Variants in LIPC observed in about 807,000 individuals in gnomAD.
The protein encoded by LIPC is hepatic triacylglycerol lipase.
In LIPC, 44 loss-of-function variants were observed where a neutral mutation model predicts 50.7. The ratio of observed to expected loss-of-function variants is 0.87; its 90% CI spans 0.68 to 1.11. The LOEUF is 1.11. Ranked by LOEUF, LIPC falls within the 50% of genes most tolerant of loss-of-function variation. LIPC has a pLI of 0.00. For missense variants in LIPC, 697 were observed against 648.2 expected, an observed-to-expected ratio of 1.08 and a Z score of -0.82; for synonymous variants, 271 against 256.4, an observed-to-expected ratio of 1.06 and a Z score of -0.54.
intron 1 of LIPC, chr15:58,523,140 C>T (rs1353021101): frequency 6.6e-6 from 1 of 152,386 alleles, no homozygotes; most frequent in African/African-American, 2.4e-5. Context: ...CCTCTATGTT[C>T]CAGCAGCCCT....
At chr15:58,435,060 G>C (rs1332999611) in intron 1 of LIPC, 1 of 152,140 alleles carries the variant, frequency 6.6e-6, no homozygotes, top group East Asian at 1.9e-4. Flanking sequence ...TCCTTCATTA[G>C]AAATTAAAAC....
rs1298118788 is a variant in LIPC at position 58,431,991 on chromosome 15, A to C, written c.-42A>C. ...TAGGCATTGTGGTCTCTTTGGCTTC[A>C]GAAATTACCAAGAAAGCCTGGACCC... On this transcript the variant is annotated 5_prime_UTR_variant, in exon 1 of 9. Transcript: ENST00000299022. The C allele has an allele frequency of 9.0e-6, 13 of 1,442,616 alleles. No homozygotes were observed. Among genetic ancestry groups the C allele is most frequent in the Non-Finnish European group, 1.3e-5 (13 of 1,023,378 alleles). The allele number at this position is 1,442,616 out of a possible 1,614,324, so 89.4% of individuals were successfully genotyped here.
rs1894487968 is a variant in LIPC at position 58,569,775 on chromosome 15, T to G, written c.*948T>G. ...TCACCTGGAAGTAGACTACCAGATC[T>G]GCTGGCACCTTTATCTTGGACTTCT... On this transcript the variant is annotated 3_prime_UTR_variant, in exon 9 of 9. Coordinates refer to ENST00000299022, the MANE Select transcript of LIPC (RefSeq NM_000236.3). 6.4e-6 allele frequency: 1 copy of G among 156,486 alleles called. No individual in the cohort carries two copies. Among genetic ancestry groups the G allele is most frequent in the Non-Finnish European group, 1.4e-5 (1 of 71,594 alleles). The allele number at this position is 156,486 out of a possible 1,614,324, so 9.7% of individuals were successfully genotyped here.
chr15:58,518,751 T>C (rs1892558659), intron 1 of LIPC, among the ~76,000 whole-genome samples: 1 of 152,096 alleles, frequency 6.6e-6, no homozygotes, highest in Non-Finnish European at 1.5e-5. Flanking sequence ...AACTCGAAGT[T>C]CAAGAGCAGG....
Position 58,542,618 on chromosome 15 carries a change from A to G in LIPC, c.541A>G (p.Ile181Val), listed in dbSNP as rs754185467. 1 of 1,613,622 alleles carries G rather than the reference A, an allele frequency of 6.2e-7. No individual in the cohort carries two copies. Among genetic ancestry groups the G allele is most frequent in the South Asian group, 1.1e-5 (1 of 91,070 alleles). The change falls in exon 4 of 9, where the codon ATC becomes GTC. Residue 181 changes from isoleucine (I) to valine (V), a missense_variant. Physicochemically the swap from Ile to Val is conservative, Grantham distance 29. Coordinates refer to ENST00000299022, the MANE Select transcript of LIPC (RefSeq NM_000236.3). ...CGTGTCAGGATTTGCCGGCAGTTCC[A>G]TCGGTGGAACGCACAAGATTGGGAG... Reference protein sequence around the residue: ...AHVSGFAGSSIGGTHKIGRIT... With the variant: ...AHVSGFAGSSVGGTHKIGRIT...
At chr15:58,517,677 A>G (rs1283989877) in intron 1 of LIPC, among the ~76,000 whole-genome samples, 2 of 152,230 alleles carry the variant, frequency 1.3e-5, no homozygotes, top group Non-Finnish European at 2.9e-5. Flanking sequence ...ACACAGGGCA[A>G]CAGAAACCCT....
rs1286505716 is a variant in LIPC at position 58,463,982 on chromosome 15, A to G, written c.88+31862A>G. ...ACAAGAGTCCACAATGACAGGTTTC[A>G]AAGATGAAAGTAATGGATCAGTAAA... On this transcript the variant is annotated intron_variant, in intron 1 of 8. Coordinates refer to ENST00000299022, the MANE Select transcript of LIPC (RefSeq NM_000236.3). Among the ~76,000 whole-genome samples the G allele has an allele frequency of 3.3e-5, 5 of 152,240 alleles. 1 individual carries two copies. The highest frequency in any genetic ancestry group is 5.9e-5 in the Non-Finnish European group (4 of 68,048).
chr15:58,497,773 A>T (rs1891825683), intron 1 of LIPC: 1 of 152,226 alleles, frequency 6.6e-6, no homozygotes, highest in South Asian at 2.1e-4. Flanking sequence ...AGCCCTGCCC[A>T]TCTGCCTGTC....
intron 1 of LIPC, among the ~76,000 whole-genome samples, chr15:58,457,816 TG>T (rs1894189062): frequency 6.6e-6 from 1 of 152,182 alleles, no homozygotes; most frequent in East Asian, 1.9e-4. Context: ...CATAAACACT[TG>T]TCCACCTCCG....
chr15:58,477,355 G>C (rs1566921936), intron 1 of LIPC, among the ~76,000 whole-genome samples: 1 of 152,190 alleles, frequency 6.6e-6, no homozygotes, highest in African/African-American at 2.4e-5. Flanking sequence ...ACAGTTCCGG[G>C]GCTGGAGCCC....
chr15:58,475,905 T>C (rs1890979732), intron 1 of LIPC, among the ~76,000 whole-genome samples: 1 of 152,192 alleles, frequency 6.6e-6, no homozygotes. Context: ...CTAGATTCTG[T>C]CATTAGAAAG....
chr15:58,507,229 T>C (rs977675143), intron 1 of LIPC, among the ~76,000 whole-genome samples: 27 of 152,184 alleles, frequency 1.8e-4, no homozygotes, highest in Non-Finnish European at 2.8e-4. Context: ...AAACTTTCCC[T>C]ATCCTCTTGA....
At chr15:58,432,395 T>C in intron 1 of LIPC, 1 of 474,984 alleles carries the variant, frequency 2.1e-6, no homozygotes, top group Non-Finnish European at 3.8e-6. Context: ...ACAGTCATGC[T>C]AAAAGTTATT....
intron 1 of LIPC, among the ~76,000 whole-genome samples, chr15:58,460,124 A>G (rs1313128985): frequency 2.0e-5 from 3 of 152,130 alleles, no homozygotes; most frequent in Admixed American, 6.5e-5. Context: ...TCAGCTCCCA[A>G]TGAGCATTGT....
intron 6 of LIPC, among the ~76,000 whole-genome samples, chr15:58,558,197 C>T (rs1168308531): frequency 6.6e-6 from 1 of 151,998 alleles, no homozygotes; most frequent in Admixed American, 6.6e-5. Flanking sequence ...CTCAGCCTCC[C>T]GAGTAGCTGG....
At chr15:58,495,192 G>C (rs549985576) in intron 1 of LIPC, among the ~76,000 whole-genome samples, 4 of 152,282 alleles carry the variant, frequency 2.6e-5, no homozygotes, top group African/African-American at 9.6e-5. Flanking sequence ...TCTCATCCTT[G>C]ACTGCAGTGT....
At chr15:58,566,088 A>G in intron 8 of LIPC, 1 of 976,722 alleles carries the variant, frequency 1.0e-6, no homozygotes, top group Non-Finnish European at 1.2e-6. Flanking sequence ...GTTCTGCTTT[A>G]GTGAGTCTGG....
intron 1 of LIPC, among the ~76,000 whole-genome samples, chr15:58,467,607 C>G (rs1262810947): frequency 6.6e-6 from 1 of 152,110 alleles, no homozygotes; most frequent in Non-Finnish European, 1.5e-5. Flanking sequence ...GCCTTCCTGC[C>G]GACATTTGCT....
Position 58,548,565 on chromosome 15 carries a change from C to T in LIPC, c.1044C>T (p.Pro348=). 1.3e-6 allele frequency: 2 copies of T among 1,590,716 alleles called. No individual in the cohort carries two copies. Among genetic ancestry groups the T allele is most frequent in the Non-Finnish European group, 1.7e-6 (2 of 1,169,588 alleles). The change falls in exon 6 of 9, where the codon CCC becomes CCT. Residue 348 remains proline (P), a synonymous_variant. Transcript: ENST00000299022. The part of the protein sequence containing the change: ...RLFLVTRAQS[P]FKVYHYQFKI... Reference sequence around the variant, plus strand: ...TCCTCGTAACGCGAGCCCAGTCCCCCTTCAAAGGTGAGTGTGGAGCTGGGG... The same window carrying T: ...TCCTCGTAACGCGAGCCCAGTCCCCTTTCAAAGGTGAGTGTGGAGCTGGGG...
Sources: allele counts gnomAD v4.1 joint callset (sites outside exome capture counted in the v4.1 genomes callset), GRCh38; gene constraint gnomAD v4.1.1; transcripts MANE v1.5; gene names NCBI Gene and HGNC (gene_info 2026-07-23, HGNC 2026-07-21).